CCDC60: variants seen among roughly 807,000 people sequenced by gnomAD.
CCDC60 encodes coiled-coil domain-containing protein 60.
CCDC60 carries 54 observed loss-of-function variants against 63.5 expected under a neutral mutation model. That is an observed-to-expected ratio of 0.85 (90% CI 0.68 to 1.07). CCDC60 has a LOEUF of 1.07. Ranked by LOEUF, CCDC60 falls within the 50% of genes least tolerant of loss-of-function variation. The pLI is 0.00. For synonymous variants in CCDC60, 206 were observed against 238.8 expected, an observed-to-expected ratio of 0.86 and a Z score of 1.27; for missense variants, 651 against 684.3, an observed-to-expected ratio of 0.95 and a Z score of 0.54.
intron 1 of CCDC60, among the ~76,000 whole-genome samples, chr12:119,343,366 A>T (rs139025078): frequency 6.6e-6 from 1 of 152,074 alleles, no homozygotes; most frequent in African/African-American, 2.4e-5. Flanking sequence ...AAGCGGGGAG[A>T]TTATACAACT....
chr12:119,375,110 C>T (rs1955938092), intron 1 of CCDC60, among the ~76,000 whole-genome samples: 1 of 152,154 alleles, frequency 6.6e-6, no homozygotes, highest in African/African-American at 2.4e-5. Context: ...TGGTCTCAGC[C>T]TCATTTTACC....
At chr12:119,507,614 A>ATAT (rs1368858215) in intron 7 of CCDC60, among the ~76,000 whole-genome samples, 1,550 of 50,482 alleles carry the variant, frequency 0.031, 154 homozygotes, top group Non-Finnish European at 0.042. Context: ...ATATATATAT[A>ATAT]TTTTTTTTTT....
chr12:119,415,428 T>C (rs912481142), intron 1 of CCDC60, among the ~76,000 whole-genome samples: 1 of 152,216 alleles, frequency 6.6e-6, no homozygotes, highest in Non-Finnish European at 1.5e-5. Context: ...AAGATCACAC[T>C]GAAGGCAGGA....
chr12:119,436,292 C>T (rs1313107122), intron 2 of CCDC60, among the ~76,000 whole-genome samples: 2 of 152,044 alleles, frequency 1.3e-5, no homozygotes, highest in South Asian at 2.1e-4. Flanking sequence ...CAGAGTCTCA[C>T]TCTTGGGAAT....
At chr12:119,342,852 A>T (rs1955546293) in intron 1 of CCDC60, among the ~76,000 whole-genome samples, 1 of 152,124 alleles carries the variant, frequency 6.6e-6, no homozygotes, top group African/African-American at 2.4e-5. Context: ...TATTCCTGTG[A>T]CCCCCATCTG....
At chr12:119,439,645 C>T (rs2136255614) in intron 2 of CCDC60, among the ~76,000 whole-genome samples, 1 of 152,302 alleles carries the variant, frequency 6.6e-6, no homozygotes, top group African/African-American at 2.4e-5. Context: ...CCAGTGTATA[C>T]TGAGCAGGTC....
chr12:119,500,512 C>G (rs763706154), intron 6 of CCDC60, among the ~76,000 whole-genome samples: 1 of 151,410 alleles, frequency 6.6e-6, no homozygotes, highest in Admixed American at 6.6e-5. Flanking sequence ...CCCTCCCTCC[C>G]TCGCTTCCTC....
chr12:119,464,073 C>G (rs1262151191), intron 2 of CCDC60, among the ~76,000 whole-genome samples: 2 of 109,566 alleles, frequency 1.8e-5, no homozygotes, highest in African/African-American at 7.6e-5. Context: ...TCCTCTGCGC[C>G]TGGCCCAGAG....
At chr12:119,373,297 T>C (rs1955916478) in intron 1 of CCDC60, among the ~76,000 whole-genome samples, 1 of 152,198 alleles carries the variant, frequency 6.6e-6, no homozygotes, top group African/African-American at 2.4e-5. Flanking sequence ...ATTCTTTTGG[T>C]GGTGCTTAAG....
At chr12:119,337,227 TG>T (rs1304049965) in intron 1 of CCDC60, among the ~76,000 whole-genome samples, 1 of 152,212 alleles carries the variant, frequency 6.6e-6, no homozygotes, top group Non-Finnish European at 1.5e-5. Context: ...CACAGAAGGA[TG>T]TTCAATCCAG....
intron 2 of CCDC60, among the ~76,000 whole-genome samples, chr12:119,440,812 AC>A (rs1347408613): frequency 6.6e-6 from 1 of 152,190 alleles, no homozygotes; most frequent in Non-Finnish European, 1.5e-5. Flanking sequence ...GGTGTACCAC[AC>A]TGAGACACAG....
At chr12:119,407,250 T>C (rs1372068037) in intron 1 of CCDC60, among the ~76,000 whole-genome samples, 4 of 152,032 alleles carry the variant, frequency 2.6e-5, no homozygotes, top group Non-Finnish European at 4.4e-5. Flanking sequence ...CTCACACCTA[T>C]AATCCCAGCA....
chr12:119,466,517 C>T lies in CCDC60; in HGVS notation c.171-5477C>T, dbSNP rs554262581. Among the ~76,000 whole-genome samples the T allele has an allele frequency of 2.1e-4, 32 of 152,300 alleles. 1 individual carries two copies. In the South Asian group the frequency reaches 4.1e-3, roughly 20 times the overall value. ...TGACTCCATTCTTGATATTTGACTA[C>T]TGATGGATTTCAAGCTCCAACACTC... On this transcript the variant is annotated intron_variant, in intron 2 of 13. Coordinates refer to ENST00000327554, the MANE Select transcript of CCDC60 (RefSeq NM_178499.5).
intron 1 of CCDC60, among the ~76,000 whole-genome samples, chr12:119,407,796 C>T (rs1030497174): frequency 6.6e-6 from 1 of 152,024 alleles, no homozygotes; most frequent in Non-Finnish European, 1.5e-5. Flanking sequence ...TCTTATGGCT[C>T]TTGCCCAAAC....
chr12:119,495,236 C>G (rs1353459651), intron 5 of CCDC60, among the ~76,000 whole-genome samples: 1 of 152,168 alleles, frequency 6.6e-6, no homozygotes, highest in Non-Finnish European at 1.5e-5. Context: ...GGTTGTTTCT[C>G]TGTAGGTAAA....
chr12:119,428,589 A>G (rs554835515), intron 1 of CCDC60, 94 bp from the exon 2 acceptor site: 2 of 806,384 alleles, frequency 2.5e-6, no homozygotes, highest in Admixed American at 2.2e-5. Flanking sequence ...CTAGCCATAC[A>G]TCTCAGAGAA....
chr12:119,356,182 C>T (rs1359082347), intron 1 of CCDC60, among the ~76,000 whole-genome samples: 1 of 152,118 alleles, frequency 6.6e-6, no homozygotes, highest in African/African-American at 2.4e-5. Flanking sequence ...TCATTCTTAA[C>T]TTTAGATTTT....
intron 1 of CCDC60, among the ~76,000 whole-genome samples, chr12:119,409,137 C>T (rs981459306): frequency 3.3e-5 from 5 of 152,130 alleles, no homozygotes; most frequent in African/African-American, 9.7e-5. Flanking sequence ...TCTTAAGAGG[C>T]TGCCTACCAC....
intron 1 of CCDC60, among the ~76,000 whole-genome samples, chr12:119,384,722 G>A (rs1206273508): frequency 6.6e-6 from 1 of 152,174 alleles, no homozygotes; most frequent in Non-Finnish European, 1.5e-5. Flanking sequence ...ACATCCTTAG[G>A]GCCCCTTAAT....
Sources: gnomAD v4.1 joint callset for allele counts (sites outside exome capture counted in the v4.1 genomes callset) on GRCh38, gnomAD v4.1.1 for gene constraint, MANE v1.5 for transcripts, NCBI Gene and HGNC (gene_info 2026-07-23, HGNC 2026-07-21) for gene names.